Variants in PTPRG observed in about 807,000 individuals in gnomAD.
The protein encoded by PTPRG is protein tyrosine phosphatase receptor type G.
A neutral mutation model predicts 165.3 loss-of-function variants in PTPRG; 102 were observed. That is an observed-to-expected ratio of 0.62 (90% CI 0.53 to 0.73). The LOEUF is 0.73. PTPRG is among the 30% of genes least tolerant of loss of function. The pLI is 0.00. For synonymous variants in PTPRG, 675 were observed against 669.5 expected, an observed-to-expected ratio of 1.01 and a Z score of -0.13; for missense variants, 1,866 against 1,861.4, an observed-to-expected ratio of 1.00 and a Z score of -0.05.
At chr3:61,741,616 T>A (rs1290032046) in intron 1 of PTPRG, among the ~76,000 whole-genome samples, 10 of 152,236 alleles carry the variant, frequency 6.6e-5, no homozygotes, top group Admixed American at 6.5e-4. Context: ...TGGGATGTTC[T>A]CATCACAGAC....
chr3:61,843,919 T>A (rs1352968911), intron 2 of PTPRG, among the ~76,000 whole-genome samples: 1 of 151,920 alleles, frequency 6.6e-6, no homozygotes, highest in East Asian at 1.9e-4. Flanking sequence ...TATTATAGTT[T>A]ATGTTCATGT....
intron 4 of PTPRG, among the ~76,000 whole-genome samples, chr3:62,075,871 T>C (rs1038728911): frequency 1.3e-5 from 2 of 152,198 alleles, no homozygotes; most frequent in Non-Finnish European, 2.9e-5. Context: ...ACTAATTATA[T>C]AGAAGATACT....
intron 1 of PTPRG, among the ~76,000 whole-genome samples, chr3:61,608,440 G>A (rs765048889): frequency 6.6e-6 from 1 of 152,200 alleles, no homozygotes; most frequent in Non-Finnish European, 1.5e-5. Context: ...CCCTTCCGTG[G>A]AGAGCTGCAT....
At chr3:62,168,469 G>A (rs555019003) in intron 8 of PTPRG, among the ~76,000 whole-genome samples, 2 of 152,300 alleles carry the variant, frequency 1.3e-5, no homozygotes, top group East Asian at 3.9e-4. Flanking sequence ...TACTTTTTAT[G>A]TGTTTCCCTG....
At chr3:61,758,015 C>T (rs1421799182) in intron 2 of PTPRG, among the ~76,000 whole-genome samples, 1 of 152,190 alleles carries the variant, frequency 6.6e-6, no homozygotes, top group African/African-American at 2.4e-5. Flanking sequence ...AAAACGTTCT[C>T]TTTCATTACA....
chr3:61,833,663 A>G (rs552227375), intron 2 of PTPRG, among the ~76,000 whole-genome samples: 23 of 152,094 alleles, frequency 1.5e-4, no homozygotes, highest in African/African-American at 5.5e-4. Context: ...CCTGGGTTCA[A>G]GCAATTCTCG....
intron 1 of PTPRG, among the ~76,000 whole-genome samples, chr3:61,562,606 G>C (rs1191170840): frequency 6.6e-6 from 1 of 152,078 alleles, no homozygotes; most frequent in Non-Finnish European, 1.5e-5. Context: ...GGGGGCTGGG[G>C]GACGCGGGGG....
chr3:61,810,350 G>A (rs2035537533), intron 2 of PTPRG, among the ~76,000 whole-genome samples: 1 of 152,148 alleles, frequency 6.6e-6, no homozygotes, highest in Non-Finnish European at 1.5e-5. Flanking sequence ...TGAAAGTATT[G>A]ATCAGTGAAT....
At chr3:61,930,274 A>T (rs970390819) in intron 2 of PTPRG, among the ~76,000 whole-genome samples, 1 of 152,128 alleles carries the variant, frequency 6.6e-6, no homozygotes. Context: ...TATATAAATT[A>T]TTTTTTGTAT....
At chr3:62,018,266 G>T (rs887960894) in intron 4 of PTPRG, among the ~76,000 whole-genome samples, 1 of 152,122 alleles carries the variant, frequency 6.6e-6, no homozygotes, top group Admixed American at 6.5e-5. Flanking sequence ...AGTAATTTTC[G>T]TTCATTCCTT....
chr3:61,587,018 G>A (rs551579753), intron 1 of PTPRG, among the ~76,000 whole-genome samples: 5 of 152,300 alleles, frequency 3.3e-5, no homozygotes, highest in East Asian at 1.9e-4. Flanking sequence ...CCACTGTTAC[G>A]GGGGATGGGG....
chr3:61,921,876 A>G (rs2039086175), intron 2 of PTPRG, among the ~76,000 whole-genome samples: 1 of 152,184 alleles, frequency 6.6e-6, no homozygotes, highest in Admixed American at 6.5e-5. Context: ...GAGTTTATGC[A>G]TATTGAGCTT....
rs145992725 is a variant in PTPRG at position 62,036,983 on chromosome 3, G to GCGCACACACACA, written c.519+33487_519+33488insGCACACACACAC. On this transcript the variant is annotated intron_variant, in intron 4 of 29. Coordinates refer to ENST00000474889, the MANE Select transcript of PTPRG (RefSeq NM_002841.4). The stretch of plus-strand genomic sequence containing the variant: ...CAGTGCTGCACGTGCGCGCGCGCAC[G>GCGCACACACACA]CACACACACACACACACACACACAC... Among the ~76,000 whole-genome samples the GCGCACACACACA allele has an allele frequency of 5.3e-3, 798 of 150,550 alleles. 1 individual carries two copies. Among genetic ancestry groups the GCGCACACACACA allele is most frequent in the African/African-American group, 6.3e-3 (259 of 41,038 alleles).
chr3:62,206,809 T>TG (rs920104758), intron 12 of PTPRG, among the ~76,000 whole-genome samples: 1 of 149,104 alleles, frequency 6.7e-6, no homozygotes, highest in Non-Finnish European at 1.5e-5. Context: ...GGCTCATGCC[T>TG]GTAGTCCAGC....
chr3:61,739,932 T>C (rs923057029), intron 1 of PTPRG, among the ~76,000 whole-genome samples: 1 of 152,172 alleles, frequency 6.6e-6, no homozygotes, highest in Non-Finnish European at 1.5e-5. Context: ...TTTAAAAAAA[T>C]GAAAATACAG....
intron 8 of PTPRG, among the ~76,000 whole-genome samples, chr3:62,168,823 T>C (rs536677595): frequency 1.3e-5 from 2 of 152,278 alleles, no homozygotes; most frequent in East Asian, 1.9e-4. Flanking sequence ...ACCCAGGTCC[T>C]TGTCTGGCGT....
chr3:62,088,766 C>T lies in PTPRG; in HGVS notation c.615+10508C>T, dbSNP rs1701835168. Among the ~76,000 whole-genome samples, 3 of 152,140 alleles carry T rather than the reference C, an allele frequency of 2.0e-5. No individual in the cohort carries two copies. In the South Asian group the frequency reaches 6.2e-4, roughly 32 times the overall value. ...ACTCATAGGAAGATCAATGAAACTC[C>T]CTTGCAGAGGTTGTAGGAGAACCTG... is the stretch of plus-strand genomic sequence containing the variant. On this transcript the variant is annotated intron_variant, in intron 5 of 29. Coordinates refer to ENST00000474889, the MANE Select transcript of PTPRG (RefSeq NM_002841.4).
chr3:61,871,128 A>ATGTTATGTTGTGTTG (rs1559660035), intron 2 of PTPRG, among the ~76,000 whole-genome samples: 41 of 123,092 alleles, frequency 3.3e-4, no homozygotes, highest in East Asian at 3.2e-3. Context: ...ATGTTATGTT[A>ATGTTATGTTGTGTTG]TGTTGTGTTG....
chr3:62,285,529 G>C (rs1205970324), intron 28 of PTPRG, among the ~76,000 whole-genome samples: 1 of 139,692 alleles, frequency 7.2e-6, no homozygotes, highest in Non-Finnish European at 1.6e-5. Context: ...GTTGTTGGGG[G>C]GGGGGGGTCT....
Sources: allele counts gnomAD v4.1 joint callset (sites outside exome capture counted in the v4.1 genomes callset), GRCh38; gene constraint gnomAD v4.1.1; transcripts MANE v1.5; gene names NCBI Gene and HGNC (gene_info 2026-07-23, HGNC 2026-07-21).